Variants in RP1L1 observed in about 807,000 individuals in gnomAD.
RP1L1 encodes RP1 like 1.
A neutral mutation model predicts 15.7 loss-of-function variants in RP1L1; 27 were observed. The observed-to-expected ratio is 1.72, with a 90% CI of 1.27 to 2.38. The LOEUF is 2.38. Among genes scored for constraint, RP1L1 ranks in the 30% most tolerant of loss-of-function variants. RP1L1 has a pLI of 0.00. For synonymous variants in RP1L1, 1,813 were observed against 1,276.7 expected (o/e 1.42, Z -8.96); for missense variants, 4,798 against 3,075.9 (o/e 1.56, Z -13.24).
intron 3 of RP1L1, among the ~76,000 whole-genome samples, chr8:10,615,588 G>A (rs1024627662): frequency 6.6e-6 from 1 of 152,262 alleles, no homozygotes; most frequent in African/African-American, 2.4e-5. Context: ...GAGAGCAGTG[G>A]CACGATCATG....
At chr8:10,619,669 G>A (rs916335372) in intron 2 of RP1L1, among the ~76,000 whole-genome samples, 6 of 152,078 alleles carry the variant, frequency 3.9e-5, no homozygotes, top group Non-Finnish European at 8.8e-5. Flanking sequence ...GCTCACACCT[G>A]TAATCCCAGC....
rs1300267627 is a variant in RP1L1, at chr8:10,613,089, G to C, written c.1009C>G (p.Leu337Val). ...CTGCCCATCCTCCGGGACCATAGGAGCGTGTCCTCGCCGACCAGGTGGAAG... is the reference window on the plus strand; with the variant it reads ...CTGCCCATCCTCCGGGACCATAGGACCGTGTCCTCGCCGACCAGGTGGAAG... ...VRFHLVGEDT[L>V]LWSRRMGRAS... Residue 337 changes from leucine (L) to valine (V), a missense_variant, in exon 4 of 4, where the codon CTC becomes GTC. Coordinates refer to ENST00000382483, the MANE Select transcript of RP1L1 (RefSeq NM_178857.6). The C allele has an allele frequency of 1.2e-6, 2 of 1,613,750 alleles. No individual in the cohort carries two copies. The highest frequency in any genetic ancestry group is 8.5e-7 in the Non-Finnish European group (1 of 1,180,048).
Position 10,607,067 on chromosome 8 carries a change from T to C in RP1L1, c.7031A>G (p.Tyr2344Cys). The change falls in exon 4 of 4, where the codon TAC (tyrosine) becomes TGC (cysteine). Residue 2344 changes from tyrosine to cysteine, a missense_variant. Physicochemically the swap from Tyr to Cys is radical, Grantham distance 194. Coordinates refer to ENST00000382483, the MANE Select transcript of RP1L1 (RefSeq NM_178857.6). The stretch of plus-strand genomic sequence containing the variant: ...TTGCTCAGAAGTAGAACTTTCTGGG[T>C]ACATCCTGGTGGCCTTCCTCTCTGC... Reference protein sequence around the residue: ...PHAERKATRMYPESSTSEQEE... With the variant: ...PHAERKATRMCPESSTSEQEE... The C allele has an allele frequency of 6.2e-7, 1 of 1,614,218 alleles. No individual in the cohort carries two copies. The highest frequency in any genetic ancestry group is 8.5e-7 in the Non-Finnish European group (1 of 1,180,042).
rs770955151 is a variant in RP1L1 at position 10,609,604 on chromosome 8, C to G, written c.4494G>C (p.Gly1498=). 1 of 1,607,010 alleles carries G rather than the reference C, an allele frequency of 6.2e-7. No homozygotes were observed. The highest frequency in any genetic ancestry group is 8.5e-7 in the Non-Finnish European group (1 of 1,179,764). ...QEHTQAQPTQ[G]AAERSSSVAC... ...CCACCGAAGAGCTCCTCTCTGCAGC[C>G]CCCTGGGTGGGTTGGGCCTGCGTGT... is the stretch of plus-strand genomic sequence containing the variant. Residue 1498 remains glycine, a synonymous_variant, in exon 4 of 4, where the codon GGG becomes GGC. Transcript: ENST00000382483.
intron 1 of RP1L1, among the ~76,000 whole-genome samples, chr8:10,651,599 T>G (rs548791785): frequency 1.3e-5 from 2 of 151,868 alleles, no homozygotes; most frequent in South Asian, 4.2e-4. Context: ...TGGTGTCACG[T>G]GCCTGTAGTC....
Position 10,612,823 on chromosome 8 carries a change from C to A in RP1L1, c.1275G>T (p.Arg425Ser), listed in dbSNP as rs771615406. 2.5e-6 allele frequency: 4 copies of A among 1,612,224 alleles called. No individual in the cohort carries two copies. Among genetic ancestry groups the A allele is most frequent in the East Asian group, 4.5e-5 (2 of 44,868 alleles). ...AGCGGACGTGCTGGGCCAGTCCCCACCTCTTCCGAGCTGCCACTCTCTCTC... is the reference window on the plus strand; with the variant it reads ...AGCGGACGTGCTGGGCCAGTCCCCAACTCTTCCGAGCTGCCACTCTCTCTC... ...SQGERVAARK[R>S]WGLAQHVRCS... The change falls in exon 4 of 4, where the codon AGG (arginine) becomes AGT (serine). Residue 425 changes from arginine (R) to serine (S), a missense_variant. Transcript: ENST00000382483.
chr8:10,610,394 G>A lies in RP1L1; in HGVS notation c.3704C>T (p.Ser1235Phe). 1.2e-6 allele frequency: 2 copies of A among 1,614,038 alleles called. No homozygotes were observed. The highest frequency in any genetic ancestry group is 1.7e-6 in the Non-Finnish European group (2 of 1,180,040). The change falls in exon 4 of 4, where the codon TCC becomes TTC. Residue 1235 changes from serine to phenylalanine, a missense_variant. Physicochemically the swap from Ser to Phe is radical, Grantham distance 155. Transcript: ENST00000382483. ...TQGTELPLKT[S>F]NQRPDSRTYE... ...AGTTCTTGAATCAGGCCTCTGGTTGGAGGTTTTCAGGGGCAGCTCTGTCCC... is the reference window on the plus strand; with the variant it reads ...AGTTCTTGAATCAGGCCTCTGGTTGAAGGTTTTCAGGGGCAGCTCTGTCCC...
chr8:10,627,457 G>A (rs954952734), intron 1 of RP1L1, among the ~76,000 whole-genome samples: 2 of 152,070 alleles, frequency 1.3e-5, no homozygotes, highest in African/African-American at 4.8e-5. Context: ...CAGAAAGTAG[G>A]ATGGGGGACA....
rs189668916 is a variant in RP1L1, at chr8:10,609,056, C to A, written c.5042G>T (p.Gly1681Val). 4.3e-6 allele frequency: 7 copies of A among 1,613,838 alleles called. No homozygotes were observed. Among genetic ancestry groups the A allele is most frequent in the Non-Finnish European group, 5.9e-6 (7 of 1,179,770 alleles). ...SPKATMGATR[G>V]PIKEAFDLQQ... ...CAGGTCAAAGGCCTCTTTGATGGGA[C>A]CTCTGGTTGCCCCCATTGTGGCCTT... is the stretch of plus-strand genomic sequence containing the variant. Residue 1681 changes from glycine (G) to valine (V), a missense_variant, in exon 4 of 4, where the codon GGT (glycine) becomes GTT (valine). By Grantham distance (109) the Gly-to-Val change is moderately radical (BLOSUM62 -3). Coordinates refer to ENST00000382483, the MANE Select transcript of RP1L1 (RefSeq NM_178857.6).
In RP1L1 at chr8:10,608,401, G is replaced by T. The variant is rs765860432; in HGVS notation, c.5697C>A (p.Val1899=). ...DVETPEAEWE[V]QPESEGAEAP... is the part of the protein sequence containing the mutation. ...CTTCTGCACCTTCTGACTCTGGCTG[G>T]ACCTCCCATTCTGCCTCTGGGGTCT... The change falls in exon 4 of 4, where the codon GTC becomes GTA. Residue 1899 remains valine (V), a synonymous_variant. Coordinates refer to ENST00000382483, the MANE Select transcript of RP1L1 (RefSeq NM_178857.6). 2 of 1,606,528 alleles carry T rather than the reference G, an allele frequency of 1.2e-6. No homozygotes were observed. Among genetic ancestry groups the T allele is most frequent in the Non-Finnish European group, 1.7e-6 (2 of 1,176,546 alleles).
chr8:10,612,739 G>A lies in RP1L1; in HGVS notation c.1359C>T (p.Ala453=). 6.2e-7 allele frequency: 1 copy of A among 1,607,188 alleles called. No individual in the cohort carries two copies. Among genetic ancestry groups the A allele is most frequent in the South Asian group, 1.1e-5 (1 of 91,062 alleles). ...GGAGGCCGGTGCTGGAGGCTGGGCTGGCACTGTCCTGGCTGCATCTCTCCC... is the reference window on the plus strand; with the variant it reads ...GGAGGCCGGTGCTGGAGGCTGGGCTAGCACTGTCCTGGCTGCATCTCTCCC... ...AGRERCSQDS[A]SPASSTGLPE... Residue 453 remains alanine, a synonymous_variant, in exon 4 of 4, where the codon GCC becomes GCT. Transcript: ENST00000382483.
intron 1 of RP1L1, among the ~76,000 whole-genome samples, chr8:10,628,331 A>G (rs1798189389): frequency 6.6e-6 from 1 of 152,190 alleles, no homozygotes; most frequent in African/African-American, 2.4e-5. Flanking sequence ...TTGTCTAGGT[A>G]ATAGCCCCCC....
intron 1 of RP1L1, among the ~76,000 whole-genome samples, chr8:10,626,159 G>A (rs192116622): frequency 7.0e-4 from 107 of 152,204 alleles, no homozygotes; most frequent in African/African-American, 2.4e-3. Flanking sequence ...CCTGGGAGCA[G>A]AAGTGGGCTA....
rs779490751 is a variant in RP1L1 at position 10,611,089 on chromosome 8, C to A, written c.3009G>T (p.Leu1003=). The change falls in exon 4 of 4, where the codon CTG becomes CTT. Residue 1003 remains leucine (L), a synonymous_variant. Transcript: ENST00000382483. Reference sequence around the variant, plus strand: ...GCTGTCCCGCCTGAGCTGGCTCCCCCAGGCCTTCCAGAGAATGGTCATCCC... The same window carrying A: ...GCTGTCCCGCCTGAGCTGGCTCCCCAAGGCCTTCCAGAGAATGGTCATCCC... ...DPGDDHSLEG[L]GEPAQAGQQS... 6.8e-6 allele frequency: 11 copies of A among 1,612,780 alleles called. No homozygotes were observed. The highest frequency in any genetic ancestry group is 1.3e-5 in the African/African-American group (1 of 74,930).
intron 1 of RP1L1, among the ~76,000 whole-genome samples, chr8:10,627,571 C>T (rs757839286): frequency 2.6e-5 from 4 of 151,398 alleles, no homozygotes; most frequent in East Asian, 1.9e-4. Flanking sequence ...CGCACACCAA[C>T]GGCACAGGAC....
intron 1 of RP1L1, among the ~76,000 whole-genome samples, chr8:10,624,480 G>T (rs931998470): frequency 2.3e-4 from 35 of 152,374 alleles, no homozygotes; most frequent in African/African-American, 8.4e-4. Flanking sequence ...AGGAGGTGAT[G>T]CAGAGACTCC....
chr8:10,654,064 G>T, intron 1 of RP1L1, among the ~76,000 whole-genome samples: 1 of 152,164 alleles, frequency 6.6e-6, no homozygotes, highest in East Asian at 1.9e-4. Context: ...CACAGGGACA[G>T]TTAGCTGCAG....
In RP1L1 at chr8:10,634,315, C is replaced by T. The variant is rs573679288; in HGVS notation, c.-19-11095G>A. 9.9e-5 allele frequency among the ~76,000 whole-genome samples: 15 copies of T among 152,226 alleles called. No individual in the cohort carries two copies. The South Asian group carries it at 1.9e-3, about 19-fold the overall frequency. On this transcript the variant is annotated intron_variant, in intron 1 of 3. Coordinates refer to ENST00000382483, the MANE Select transcript of RP1L1 (RefSeq NM_178857.6). ...CCCAGGACCCGAGAAGGAGCAGCACCGATGCTTGTGGGCAGAGCTGCAAGA... is the reference window on the plus strand; with the variant it reads ...CCCAGGACCCGAGAAGGAGCAGCACTGATGCTTGTGGGCAGAGCTGCAAGA...
chr8:10,621,605 C>T (rs139053870), intron 2 of RP1L1: 125 of 429,108 alleles, frequency 2.9e-4, no homozygotes, highest in African/African-American at 2.0e-3. Context: ...GGATTACAGG[C>T]GTGCGCCACT....
Sources: allele counts gnomAD v4.1 joint callset (sites outside exome capture counted in the v4.1 genomes callset), GRCh38; gene constraint gnomAD v4.1.1; transcripts MANE v1.5; gene names NCBI Gene and HGNC (gene_info 2026-07-23, HGNC 2026-07-21).